Variants in SLC19A1 observed in about 807,000 individuals in gnomAD.
SLC19A1 encodes the protein solute carrier family 19 member 1, also known as reduced folate transporter.
Under a neutral mutation model 35.3 loss-of-function variants are expected in SLC19A1, and 37 were observed. The observed-to-expected ratio is 1.05, with a 90% CI of 0.81 to 1.38. The LOEUF is 1.38. Ranked by LOEUF, SLC19A1 falls within the 40% of genes most tolerant of loss-of-function variation. The pLI is 0.00. For synonymous variants in SLC19A1, 460 were observed against 398.5 expected, an observed-to-expected ratio of 1.15 and a Z score of -1.84; for missense variants, 831 against 826.9, an observed-to-expected ratio of 1.00 and a Z score of -0.06.
At chr21:45,507,722 C>A, downstream of SLC19A1, 1 of 881,566 alleles carries the variant, frequency 1.1e-6, no homozygotes, top group Non-Finnish European at 1.9e-6. Context: ...TCACCATCAG[C>A]CCCTGCTGCA....
At chr21:45,548,746 A>AAAAT (rs373623667), upstream of SLC19A1, among the ~76,000 whole-genome samples, 1,074 of 152,216 alleles carry the variant, frequency 7.1e-3, 8 homozygotes, top group African/African-American at 0.024. Flanking sequence ...TCTGTCTAAA[A>AAAAT]AAATAAATAA....
At position 45,537,544 on chromosome 21, in the gene SLC19A1, C is replaced by T. The variant is rs1421133169; in HGVS notation, c.189+227G>A. On this transcript the variant is annotated intron_variant, in intron 2 of 5. Transcript: ENST00000311124. ...AAGCTGCTCCCCGCCCACCCACAGG[C>T]GGCCGCCCGGCACCCCGGCACCCAC... Among the ~76,000 whole-genome samples the T allele has an allele frequency of 3.4e-5, 5 of 146,632 alleles. No individual in the cohort carries two copies. In the East Asian group the frequency reaches 1.0e-3, roughly 30 times the overall value.
rs545474592 is a variant in SLC19A1, at chr21:45,502,924, G to A, written c.498-4312C>T. 6.6e-5 allele frequency: 10 copies of A among 152,192 alleles called. No individual in the cohort carries two copies. The South Asian group carries it at 8.3e-4, about 13-fold the overall frequency. The allele number at this position is 152,192 out of a possible 1,614,324, so 9.4% of individuals were successfully genotyped here. On this transcript the variant is annotated intron_variant, in intron 3 of 4. Coordinates refer to the SLC19A1 transcript ENST00000417954. ...CTCAGGATGAGTAAGTCAATGTACCGAAGTCACCAGATGGAAGGGCAGTCT... is the reference window on the plus strand; with the variant it reads ...CTCAGGATGAGTAAGTCAATGTACCAAAGTCACCAGATGGAAGGGCAGTCT...
intron 3 of SLC19A1, among the ~76,000 whole-genome samples, chr21:45,503,703 G>A (rs1378958880): frequency 3.3e-5 from 5 of 151,228 alleles, no homozygotes; most frequent in Admixed American, 3.3e-4. Context: ...GAGTTAGTGG[G>A]TGCAGCACAC....
intron 1 of SLC19A1, among the ~76,000 whole-genome samples, 188 bp from the exon 2 acceptor site, chr21:45,538,196 C>T (rs1300704183): frequency 6.6e-6 from 1 of 152,232 alleles, no homozygotes; most frequent in Non-Finnish European, 1.5e-5. Flanking sequence ...CTGAGCTGCT[C>T]CGGAGTCCCC....
At chr21:45,526,234 C>T (rs1697751018) in intron 4 of SLC19A1, among the ~76,000 whole-genome samples, 1 of 152,240 alleles carries the variant, frequency 6.6e-6, no homozygotes, top group Non-Finnish European at 1.5e-5. Flanking sequence ...TCCAAAATGC[C>T]TGGGGCCAGT....
At chr21:45,510,378 T>C, downstream of SLC19A1, 1 of 1,211,470 alleles carries the variant, frequency 8.3e-7, no homozygotes, top group Non-Finnish European at 1.2e-6. Flanking sequence ...TTACAGACAC[T>C]GGCGCCTAGG....
intron 1 of SLC19A1, among the ~76,000 whole-genome samples, chr21:45,538,582 C>T (rs1278487236): frequency 1.3e-5 from 2 of 152,212 alleles, no homozygotes; most frequent in South Asian, 2.1e-4. Context: ...AGCCGCGTGC[C>T]CTGGCAGGAG....
At chr21:45,538,976 G>C (rs1011400221) in intron 1 of SLC19A1, among the ~76,000 whole-genome samples, 3 of 152,166 alleles carry the variant, frequency 2.0e-5, no homozygotes, top group African/African-American at 7.2e-5. Flanking sequence ...TTCTGCCCAG[G>C]AGAAAGGCTC....
At chr21:45,519,113 A>G (rs2077362252) in intron 5 of SLC19A1, among the ~76,000 whole-genome samples, 1 of 151,860 alleles carries the variant, frequency 6.6e-6, no homozygotes, top group Admixed American at 6.6e-5. Flanking sequence ...AGTGACATAA[A>G]GGCAACGTTT....
rs1325109973 is a variant in SLC19A1, at chr21:45,542,424, G to A, written c.-106C>T. 1 of 151,382 alleles carries A rather than the reference G, an allele frequency of 6.6e-6. No homozygotes were observed. Among genetic ancestry groups the A allele is most frequent in the Non-Finnish European group, 1.5e-5 (1 of 67,754 alleles). 9.4% of individuals were successfully genotyped at this position (151,382 alleles called of 1,614,324 possible). Reference sequence around the variant, plus strand: ...TCCCGGACCCGGCCCCGCGCACGCGGACTCCGGGACTACAGCGCCCACAAG... The same window carrying A: ...TCCCGGACCCGGCCCCGCGCACGCGAACTCCGGGACTACAGCGCCCACAAG... On this transcript the variant is annotated 5_prime_UTR_variant, in exon 1 of 6. Transcript: ENST00000311124.
chr21:45,528,060 C>CTGGAGACGGGGGGACAG, intron 4 of SLC19A1, among the ~76,000 whole-genome samples: 1 of 151,102 alleles, frequency 6.6e-6, no homozygotes, highest in Non-Finnish European at 1.5e-5. Context: ...CTGCTGGGCA[C>CTGGAGACGGGGGGACAG]TGGAGACGGG....
At chr21:45,504,248 C>A in intron 3 of SLC19A1, 1 of 877,364 alleles carries the variant, frequency 1.1e-6, no homozygotes, top group Non-Finnish European at 1.8e-6. Flanking sequence ...GGGGACTCGG[C>A]TGATGCAGTG....
intron 3 of SLC19A1, chr21:45,505,475 T>G (rs750434377): frequency 1.2e-5 from 12 of 1,013,564 alleles, no homozygotes; most frequent in South Asian, 5.4e-5. Context: ...TCCCGTGCCC[T>G]GGCTGGTTCT....
intron 5 of SLC19A1, among the ~76,000 whole-genome samples, chr21:45,519,146 G>A (rs941455012): frequency 1.3e-5 from 2 of 152,118 alleles, no homozygotes; most frequent in African/African-American, 4.8e-5. Context: ...CAAACTTTAT[G>A]TATTAATGTA....
chr21:45,557,898 G>A (rs777698720), intron 1 of SLC19A1, among the ~76,000 whole-genome samples: 23 of 152,226 alleles, frequency 1.5e-4, no homozygotes, highest in Non-Finnish European at 2.8e-4. Flanking sequence ...GCCCAGTGGC[G>A]TGGGGAGTGA....
intron 1 of SLC19A1, among the ~76,000 whole-genome samples, chr21:45,562,489 G>A (rs1026117865): frequency 5.3e-5 from 8 of 152,224 alleles, no homozygotes; most frequent in Non-Finnish European, 8.8e-5. Context: ...AATATGTGAA[G>A]CAAAATGTTT....
At chr21:45,549,132 G>A (rs777821544), upstream of SLC19A1, among the ~76,000 whole-genome samples, 3 of 152,196 alleles carry the variant, frequency 2.0e-5, no homozygotes, top group Non-Finnish European at 2.9e-5. Flanking sequence ...GCAACAACCC[G>A]AATATCCATT....
intron 5 of SLC19A1, among the ~76,000 whole-genome samples, chr21:45,521,803 C>T (rs375509143): frequency 4.6e-5 from 7 of 152,010 alleles, no homozygotes; most frequent in African/African-American, 7.2e-5. Context: ...TAAATGGATA[C>T]GCACAGGCCA....
Sources: allele counts gnomAD v4.1 joint callset (sites outside exome capture counted in the v4.1 genomes callset), GRCh38; gene constraint gnomAD v4.1.1; transcripts MANE v1.5; gene names NCBI Gene and HGNC (gene_info 2026-07-23, HGNC 2026-07-21).